TRIM22: variants seen among roughly 807,000 people sequenced by gnomAD.
The protein encoded by TRIM22 is tripartite motif containing 22.
A neutral mutation model predicts 53.6 loss-of-function variants in TRIM22; 45 were observed. The ratio of observed to expected loss-of-function variants is 0.84; its 90% CI spans 0.66 to 1.08. TRIM22 has a LOEUF of 1.08. Among genes scored for constraint, TRIM22 ranks in the 50% least tolerant of loss-of-function variants. The pLI is 0.00. For missense variants in TRIM22, 616 were observed against 590.9 expected, an observed-to-expected ratio of 1.04 and a Z score of -0.44; for synonymous variants, 225 against 216.6, an observed-to-expected ratio of 1.04 and a Z score of -0.34.
intron 4 of TRIM22, among the ~76,000 whole-genome samples, chr11:5,700,934 T>TCGAATAG (rs59716493): frequency 0.16 from 24,302 of 152,002 alleles, 2,123 homozygotes; most frequent in Middle Eastern, 0.25. Context: ...GTGAATTTTG[T>TCGAATAG]CGAATAGCTT....
At chr11:5,696,681 G>A (rs763249465) in intron 2 of TRIM22, 26 bp downstream of exon 2, 2 of 1,581,470 alleles carry the variant, frequency 1.3e-6, no homozygotes, top group Non-Finnish European at 1.7e-6. Context: ...GAGGAAGAGA[G>A]AGCAGAGAGC....
intron 1 of TRIM22, among the ~76,000 whole-genome samples, chr11:5,691,736 A>C (rs1853175156): frequency 6.6e-6 from 1 of 152,176 alleles, no homozygotes; most frequent in Non-Finnish European, 1.5e-5. Flanking sequence ...AGGAGTTGGT[A>C]ATTTCTCCTG....
At chr11:5,697,698 T>A in intron 3 of TRIM22, 1 of 178,358 alleles carries the variant, frequency 5.6e-6, no homozygotes, top group Non-Finnish European at 1.1e-5. Context: ...TAGGGGGATT[T>A]TTTTGTTTGT....
At chr11:5,692,594 G>C (rs1337603049) in intron 1 of TRIM22, among the ~76,000 whole-genome samples, 1 of 152,198 alleles carries the variant, frequency 6.6e-6, no homozygotes, top group Non-Finnish European at 1.5e-5. Flanking sequence ...TGCATGCCAA[G>C]AACAGGACCT....
intron 7 of TRIM22, 62 bp downstream of exon 7, chr11:5,708,665 A>C: frequency 9.4e-4 from 1,341 of 1,427,014 alleles, no homozygotes; most frequent in Non-Finnish European, 1.2e-3. Flanking sequence ...ATTAGATCTC[A>C]TAATCTGAGT....
At chr11:5,699,252 C>T (rs1415690337) in intron 4 of TRIM22, among the ~76,000 whole-genome samples, 1 of 128,434 alleles carries the variant, frequency 7.8e-6, no homozygotes, top group Non-Finnish European at 1.6e-5. Flanking sequence ...TGGCCGGGCG[C>T]GGTGGCTCAC....
intron 3 of TRIM22, chr11:5,697,879 A>G: frequency 5.8e-6 from 1 of 173,464 alleles, no homozygotes; most frequent in East Asian, 1.4e-4. Flanking sequence ...AATTTTTTGT[A>G]TTTTTAGTAG....
intron 3 of TRIM22, 60 bp downstream of exon 3, chr11:5,697,403 C>A: frequency 7.8e-7 from 1 of 1,275,046 alleles, no homozygotes; most frequent in Non-Finnish European, 1.1e-6. Context: ...ACCCTGGGCT[C>A]TATCACAAGG....
At chr11:5,708,434 C>A in intron 6 of TRIM22, 143 bp from the exon 7 acceptor site, 1 of 981,372 alleles carries the variant, frequency 1.0e-6, no homozygotes, top group Non-Finnish European at 1.5e-6. Flanking sequence ...GGGGGAATGA[C>A]CAGGTGTCTG....
In TRIM22 at chr11:5,696,425, C is replaced by T; in HGVS notation, c.193C>T (p.Pro65Ser). ...TCCTGTGTGTCAGACCAGATTCCAG[C>T]CTGGGAACCTCCGACCTAATCGGCA... ...SCPVCQTRFQPGNLRPNRHLA... is the reference protein window; with the variant it reads ...SCPVCQTRFQSGNLRPNRHLA... The change falls in exon 2 of 8, where the codon CCT becomes TCT. Residue 65 changes from proline (P) to serine (S), a missense_variant. Coordinates refer to ENST00000379965, the MANE Select transcript of TRIM22 (RefSeq NM_006074.5). 3 of 1,614,222 alleles carry T rather than the reference C, an allele frequency of 1.9e-6. No individual in the cohort carries two copies. Among genetic ancestry groups the T allele is most frequent in the Non-Finnish European group, 2.5e-6 (3 of 1,180,044 alleles).
At position 5,698,322 on chromosome 11, in the gene TRIM22, T is replaced by C. The variant is rs550485864; in HGVS notation, c.527T>C (p.Ile176Thr). Residue 176 changes from isoleucine to threonine, a missense_variant, in exon 4 of 8, where the codon ATC (isoleucine) becomes ACC (threonine). Transcript: ENST00000379965. ...RQERTAWKNY[I>T]QIERQKILKG... ...TCTCTTTTCATTCCCAAGAATTATA[T>C]CCAGATCGAGAGACAGAAGATTCTG... 6.2e-7 allele frequency: 1 copy of C among 1,613,990 alleles called. No homozygotes were observed. The highest frequency in any genetic ancestry group is 2.2e-5 in the East Asian group (1 of 44,886).
At chr11:5,697,684 TCAGTAGGGGGA>T (rs943491521) in intron 3 of TRIM22, 2 of 236,634 alleles carry the variant, frequency 8.5e-6, no homozygotes, top group African/African-American at 4.7e-5. Context: ...TTAGGGGGTT[TCAGTAGGGGGA>T]TTTTTTTGTT....
Position 5,689,859 on chromosome 11 carries a change from T to C in TRIM22, c.-107T>C, listed in dbSNP as rs1422794137. On this transcript the variant is annotated 5_prime_UTR_variant, in exon 1 of 8. Transcript: ENST00000379965. ...ACACCGGCTCCTGCCCTGCCTTCAC[T>C]CTTCTCCCCTGATTCAAGACTCCTC... 6.6e-6 allele frequency: 1 copy of C among 152,296 alleles called. No homozygotes were observed. The highest frequency in any genetic ancestry group is 1.5e-5 in the Non-Finnish European group (1 of 68,096). 9.4% of individuals were successfully genotyped at this position (152,296 alleles called of 1,614,324 possible).
At chr11:5,698,013 A>G in intron 3 of TRIM22, 1 of 302,470 alleles carries the variant, frequency 3.3e-6, no homozygotes, top group East Asian at 7.1e-5. Flanking sequence ...AGGTAGAGGG[A>G]TTTAAGATAC....
intron 1 of TRIM22, among the ~76,000 whole-genome samples, chr11:5,693,759 G>GAAAAAT (rs1853214691): frequency 7.1e-6 from 1 of 140,640 alleles, no homozygotes; most frequent in Admixed American, 7.0e-5. Context: ...AATAAATCAA[G>GAAAAAT]AAAAATAAGC....
intron 5 of TRIM22, among the ~76,000 whole-genome samples, chr11:5,706,972 C>T (rs78161864): frequency 0.023 from 3,454 of 152,174 alleles, 56 homozygotes; most frequent in Non-Finnish European, 0.033. Flanking sequence ...CCAAATTTTT[C>T]AGAGACAGCG....
rs1853542296 is a variant in TRIM22, at chr11:5,710,446, AAT to A, written c.*799_*800del. 6.6e-6 allele frequency: 1 copy of A among 152,198 alleles called. No homozygotes were observed. Among genetic ancestry groups the A allele is most frequent in the Non-Finnish European group, 1.5e-5 (1 of 68,034 alleles). 9.4% of individuals were successfully genotyped at this position (152,198 alleles called of 1,614,324 possible). A position where few individuals can be genotyped will look rare whatever the true frequency, so the allele number is the denominator to read the frequency against. On this transcript the variant is annotated 3_prime_UTR_variant, in exon 8 of 8. Coordinates refer to ENST00000379965, the MANE Select transcript of TRIM22 (RefSeq NM_006074.5). ...AGTACATAAGAATCTATCACTAAGT[AAT>A]GTATCCTTCAGAATGTGTTGGTTTA...
intron 6 of TRIM22, 63 bp from the exon 7 acceptor site, chr11:5,708,514 A>T: frequency 6.7e-7 from 1 of 1,490,236 alleles, no homozygotes; most frequent in Non-Finnish European, 9.1e-7. Context: ...TCTGGAGAAG[A>T]GACAGGTGTC....
rs753575782 is a variant in TRIM22, at chr11:5,698,485, C to T, written c.690C>T (p.Ala230=). 2 of 1,614,024 alleles carry T rather than the reference C, an allele frequency of 1.2e-6. No individual in the cohort carries two copies. Among genetic ancestry groups the T allele is most frequent in the Non-Finnish European group, 1.7e-6 (2 of 1,179,938 alleles). Residue 230 remains alanine (A), a synonymous_variant, in exon 4 of 8, where the codon GCC becomes GCT. Coordinates refer to ENST00000379965, the MANE Select transcript of TRIM22 (RefSeq NM_006074.5). ...AGCTGGTCCAGCAGAGGCAGGATGC[C>T]AGCACGCTCATCTCAGATCTCCAGC... is the stretch of plus-strand genomic sequence containing the variant. ...TDQLVQQRQD[A]STLISDLQRR...
Sources: gnomAD v4.1 joint callset for allele counts (sites outside exome capture counted in the v4.1 genomes callset) on GRCh38, gnomAD v4.1.1 for gene constraint, MANE v1.5 for transcripts, NCBI Gene and HGNC (gene_info 2026-07-23, HGNC 2026-07-21) for gene names.